The following AMOTL2 variants were observed in gnomAD, a reference collection of about 807,000 sequenced individuals.
The protein encoded by AMOTL2 is angiomotin-like protein 2.
AMOTL2 carries 33 observed loss-of-function variants against 78.4 expected under a neutral mutation model. That is an observed-to-expected ratio of 0.42 (90% CI 0.32 to 0.56). The LOEUF (loss-of-function observed/expected upper bound fraction) is 0.56. Among genes scored for constraint, AMOTL2 ranks in the 20% least tolerant of loss-of-function variants. AMOTL2 has a pLI of 0.12. For synonymous variants in AMOTL2, 422 were observed against 428.8 expected, an observed-to-expected ratio of 0.98 and a Z score of 0.20; for missense variants, 983 against 1,030.1, an observed-to-expected ratio of 0.95 and a Z score of 0.63.
At chr3:134,364,365 C>A (rs550623603) in intron 5 of AMOTL2, among the ~76,000 whole-genome samples, 1 of 152,050 alleles carries the variant, frequency 6.6e-6, no homozygotes, top group Non-Finnish European at 1.5e-5. Flanking sequence ...GGCCGGCCCC[C>A]CTCTTCTCAC....
At chr3:134,358,456 G>C in intron 9 of AMOTL2, 84 bp downstream of exon 9, 1 of 1,486,730 alleles carries the variant, frequency 6.7e-7, no homozygotes, top group South Asian at 1.3e-5. Context: ...AGGGGGTCTG[G>C]GAAGAAAAGG....
chr3:134,367,902 A>T lies in AMOTL2; in HGVS notation c.735-99T>A, dbSNP rs746915260. On this transcript the variant is annotated intron_variant, in intron 2 of 9. Coordinates refer to ENST00000249883, the MANE Select transcript of AMOTL2 (RefSeq NM_016201.4). The stretch of plus-strand genomic sequence containing the variant: ...CCCCACTCCTAGGCATACTGGGAAG[A>T]TGGTTAATTATTATCAATAATTAAT... 10 of 888,876 alleles carry T rather than the reference A, an allele frequency of 1.1e-5. No individual in the cohort carries two copies. In the East Asian group the frequency reaches 2.8e-4, roughly 25 times the overall value. 55.1% of individuals were successfully genotyped at this position (888,876 alleles called of 1,614,324 possible).
Position 134,357,445 on chromosome 3 carries a change from A to G in AMOTL2, c.*260T>C. ...GTAGCAGGCCTTGGGCAAGAAGTCA[A>G]GGCTGAATCCTCATTCTCCATAAGG... On this transcript the variant is annotated 3_prime_UTR_variant, in exon 10 of 10. Coordinates refer to ENST00000249883, the MANE Select transcript of AMOTL2 (RefSeq NM_016201.4). 1 of 483,904 alleles carries G rather than the reference A, an allele frequency of 2.1e-6. No homozygotes were observed. Among genetic ancestry groups the G allele is most frequent in the Non-Finnish European group, 3.8e-6 (1 of 265,984 alleles). 30.0% of individuals were successfully genotyped at this position (483,904 alleles called of 1,614,324 possible).
chr3:134,359,157 C>G, intron 8 of AMOTL2, 126 bp downstream of exon 8: 1 of 1,048,942 alleles, frequency 9.5e-7, no homozygotes, highest in Non-Finnish European at 1.4e-6. Context: ...AAGCCAGCTC[C>G]CCTGGAAGAG....
At chr3:134,362,043 C>T (rs1264132974) in intron 5 of AMOTL2, among the ~76,000 whole-genome samples, 2 of 152,218 alleles carry the variant, frequency 1.3e-5, no homozygotes, top group African/African-American at 4.8e-5. Context: ...AACTGGGCTA[C>T]CCTGCCTTTC....
At position 134,357,474 on chromosome 3, in the gene AMOTL2, G is replaced by A. The variant is rs56874024; in HGVS notation, c.*231C>T. On this transcript the variant is annotated 3_prime_UTR_variant, in exon 10 of 10. Coordinates refer to ENST00000249883, the MANE Select transcript of AMOTL2 (RefSeq NM_016201.4). ...TGAATCCTCATTCTCCATAAGGCCCGGAGGAATGTGGGCTAAGAAGCAGAG... is the reference window on the plus strand; with the variant it reads ...TGAATCCTCATTCTCCATAAGGCCCAGAGGAATGTGGGCTAAGAAGCAGAG... The A allele has an allele frequency of 6.8e-3, 3,792 of 560,620 alleles. 101 individuals are homozygous for A. The highest frequency in any genetic ancestry group is 0.061 in the African/African-American group (3,244 of 53,300). 34.7% of individuals were successfully genotyped at this position (560,620 alleles called of 1,614,324 possible).
At chr3:134,369,305 C>T (rs944108189) in intron 2 of AMOTL2, among the ~76,000 whole-genome samples, 1 of 152,226 alleles carries the variant, frequency 6.6e-6, no homozygotes, top group Non-Finnish European at 1.5e-5. Context: ...CTGGGCCAGG[C>T]AGACACAACT....
chr3:134,372,941 G>A (rs1159710013), intron 1 of AMOTL2, among the ~76,000 whole-genome samples: 3 of 151,218 alleles, frequency 2.0e-5, no homozygotes, highest in Non-Finnish European at 4.4e-5. Flanking sequence ...GGCAGGGGTT[G>A]GGGGGGTGGG....
intron 5 of AMOTL2, 118 bp downstream of exon 5, chr3:134,365,699 A>C (rs939652397): frequency 2.0e-5 from 18 of 909,746 alleles, no homozygotes; most frequent in Non-Finnish European, 3.1e-5. Flanking sequence ...GTGGGCAGTA[A>C]ACCTGCTCCC....
Position 134,359,337 on chromosome 3 carries a change from C to T in AMOTL2, c.2050G>A (p.Gly684Arg). 6.2e-7 allele frequency: 1 copy of T among 1,614,202 alleles called. No individual in the cohort carries two copies. Among genetic ancestry groups the T allele is most frequent in the South Asian group, 1.1e-5 (1 of 91,088 alleles). ...GTTTGTCGCTCACTAGAAGAGAGCC[C>T]TTGCCAGCCCTGGGTTCCTGCTGCC... Reference protein sequence around the residue: ...AAAAGTQGWQGLSSSERQTAD... With the variant: ...AAAAGTQGWQRLSSSERQTAD... The change falls in exon 8 of 10, where the codon GGG (glycine) becomes AGG (arginine). Residue 684 changes from glycine to arginine, a missense_variant. By Grantham distance (125) the Gly-to-Arg change is moderately radical. Transcript: ENST00000249883.
chr3:134,370,583 G>T, intron 2 of AMOTL2, 117 bp downstream of exon 2: 2 of 1,309,604 alleles, frequency 1.5e-6, no homozygotes, highest in South Asian at 2.1e-5. Flanking sequence ...TCTCAGGTTG[G>T]AGGTGGGGTG....
rs1431215743 is a variant in AMOTL2, at chr3:134,359,496, C to A, written c.1891G>T (p.Val631Leu). The A allele has an allele frequency of 1.2e-6, 2 of 1,612,894 alleles. No homozygotes were observed. Among genetic ancestry groups the A allele is most frequent in the African/African-American group, 2.7e-5 (2 of 75,028 alleles). Residue 631 changes from valine to leucine, a missense_variant, in exon 8 of 10, where the codon GTG (valine) becomes TTG (leucine). Coordinates refer to ENST00000249883, the MANE Select transcript of AMOTL2 (RefSeq NM_016201.4). ...TTCTCCAGGATCTGGGCATGGAGCA[C>A]CTTTAACCTGAGGGGTGAGAGGCCA... Reference protein sequence around the residue: ...RHQEMESRLKVLHAQILEKDA... With the variant: ...RHQEMESRLKLLHAQILEKDA...
chr3:134,360,011 A>C, intron 7 of AMOTL2, 95 bp downstream of exon 7: 1 of 1,352,318 alleles, frequency 7.4e-7, no homozygotes, highest in Non-Finnish European at 1.0e-6. Flanking sequence ...CTCTATGGGG[A>C]AAGGGGCCTG....
intron 5 of AMOTL2, among the ~76,000 whole-genome samples, chr3:134,364,221 C>T (rs13075185): frequency 0.29 from 44,067 of 151,714 alleles, 6,823 homozygotes; most frequent in Middle Eastern, 0.38. Flanking sequence ...GGGGGGCGGG[C>T]CGGGAGCGGA....
At chr3:134,374,753 T>G (rs148467104), upstream of AMOTL2, 312 of 995,132 alleles carry the variant, frequency 3.1e-4, 2 homozygotes, top group African/African-American at 5.1e-3. Context: ...TCGGAGCTGC[T>G]GGAGACAATT....
intron 5 of AMOTL2, among the ~76,000 whole-genome samples, chr3:134,362,813 A>G (rs1423236093): frequency 6.6e-6 from 1 of 152,092 alleles, no homozygotes; most frequent in Non-Finnish European, 1.5e-5. Flanking sequence ...TGAGAGTCCC[A>G]GGCTGCCCCC....
At position 134,359,517 on chromosome 3, in the gene AMOTL2, G is replaced by A. The variant is rs749945908; in HGVS notation, c.1884-14C>T. Reference sequence around the variant, plus strand: ...AGCACCTTTAACCTGAGGGGTGAGAGGCCATGCCCACATTGTCAGACCCAC... The same window carrying A: ...AGCACCTTTAACCTGAGGGGTGAGAAGCCATGCCCACATTGTCAGACCCAC... On this transcript the variant is annotated splice_polypyrimidine_tract_variant and intron_variant, in intron 7 of 9. Transcript: ENST00000249883. 7.9e-5 allele frequency: 126 copies of A among 1,600,586 alleles called. No homozygotes were observed. Among genetic ancestry groups the A allele is most frequent in the Admixed American group, 1.0e-4 (6 of 59,322 alleles).
chr3:134,374,651 G>A (rs2018022340), upstream of AMOTL2: 6 of 983,294 alleles, frequency 6.1e-6, no homozygotes, highest in South Asian at 1.4e-4. Flanking sequence ...CGGCGCTGCT[G>A]GCCGAGCGCC....
chr3:134,375,391 A>G, upstream of AMOTL2: 1 of 752,768 alleles, frequency 1.3e-6, no homozygotes, highest in East Asian at 2.7e-5. Flanking sequence ...GAGCTTAAGC[A>G]GCGTGCCCAG....
Sources: gnomAD v4.1 joint callset for allele counts (sites outside exome capture counted in the v4.1 genomes callset) on GRCh38, gnomAD v4.1.1 for gene constraint, MANE v1.5 for transcripts, NCBI Gene and HGNC (gene_info 2026-07-23, HGNC 2026-07-21) for gene names.